The following ELOVL2 variants were observed in gnomAD, a reference collection of about 807,000 sequenced individuals.
The protein encoded by ELOVL2 is ELOVL fatty acid elongase 2.
In ELOVL2, 38 loss-of-function variants were observed where a neutral mutation model predicts 37.7. The observed-to-expected ratio is 1.01, with a 90% CI of 0.78 to 1.32. ELOVL2 has a LOEUF of 1.32. ELOVL2 is among the 40% of genes most tolerant of loss of function. ELOVL2 has a pLI of 0.00. For missense variants in ELOVL2, 352 were observed against 363.6 expected (o/e 0.97, Z 0.26); for synonymous variants, 115 against 122.3 (o/e 0.94, Z 0.40).
At chr6:11,029,546 G>A (rs1009723722) in intron 1 of ELOVL2, among the ~76,000 whole-genome samples, 6 of 152,178 alleles carry the variant, frequency 3.9e-5, no homozygotes, top group Non-Finnish European at 5.9e-5. Flanking sequence ...GCATACTGTC[G>A]TAGCCTCACA....
chr6:11,034,067 T>A (rs947637029), intron 1 of ELOVL2, among the ~76,000 whole-genome samples: 12 of 152,172 alleles, frequency 7.9e-5, no homozygotes, highest in African/African-American at 2.9e-4. Flanking sequence ...GGGAACTGAA[T>A]CCAGGAGTGT....
At chr6:10,992,542 G>A (rs1782181737) in intron 5 of ELOVL2, among the ~76,000 whole-genome samples, 2 of 152,180 alleles carry the variant, frequency 1.3e-5, no homozygotes, top group African/African-American at 2.4e-5. Context: ...TGTAATCCCA[G>A]CACTTTGGGA....
intron 4 of ELOVL2, among the ~76,000 whole-genome samples, chr6:10,998,109 A>G (rs1474438444): frequency 1.3e-5 from 2 of 152,016 alleles, no homozygotes; most frequent in African/African-American, 4.8e-5. Context: ...CTCTCTTGCC[A>G]TGTGACATGC....
At chr6:10,993,857 ATTTTTTTT>A (rs530539525) in intron 5 of ELOVL2, among the ~76,000 whole-genome samples, 37 of 79,098 alleles carry the variant, frequency 4.7e-4, no homozygotes, top group African/African-American at 9.5e-4. Context: ...CGCCCAGCTA[ATTTTTTTT>A]TTTTTTTTTT....
At chr6:11,021,219 C>T (rs1366122678) in intron 1 of ELOVL2, among the ~76,000 whole-genome samples, 1 of 152,234 alleles carries the variant, frequency 6.6e-6, no homozygotes, top group Non-Finnish European at 1.5e-5. Flanking sequence ...GTTCTCTCCG[C>T]ATGTGCCACT....
At chr6:11,030,787 C>T (rs986044541) in intron 1 of ELOVL2, among the ~76,000 whole-genome samples, 7 of 152,108 alleles carry the variant, frequency 4.6e-5, no homozygotes, top group Non-Finnish European at 7.4e-5. Flanking sequence ...CCACCGTGCC[C>T]GGCCATTCAA....
intron 4 of ELOVL2, 91 bp from the exon 5 acceptor site, chr6:10,995,269 G>T: frequency 1.1e-6 from 1 of 931,616 alleles, no homozygotes; most frequent in Non-Finnish European, 1.6e-6. Flanking sequence ...GCTGCCTGTG[G>T]TTTCCTGCTG....
At chr6:10,992,562 G>T (rs918667389) in intron 5 of ELOVL2, among the ~76,000 whole-genome samples, 1 of 151,880 alleles carries the variant, frequency 6.6e-6, no homozygotes, top group African/African-American at 2.4e-5. Flanking sequence ...AGGCCGAGGC[G>T]GGCGGATCAC....
chr6:10,996,119 T>C (rs1338085316), intron 4 of ELOVL2, among the ~76,000 whole-genome samples: 1 of 152,008 alleles, frequency 6.6e-6, no homozygotes, highest in Non-Finnish European at 1.5e-5. Context: ...TTTTTACCAC[T>C]AACATTAAAC....
chr6:11,027,687 T>C (rs1212100472), intron 1 of ELOVL2, among the ~76,000 whole-genome samples: 1 of 142,306 alleles, frequency 7.0e-6, no homozygotes, highest in Admixed American at 7.3e-5. Context: ...CCCCCTGCTT[T>C]CACCTTTCTT....
chr6:11,019,807 G>A (rs915749984), intron 1 of ELOVL2, among the ~76,000 whole-genome samples: 8 of 149,632 alleles, frequency 5.3e-5, no homozygotes, highest in Admixed American at 4.7e-4. Flanking sequence ...GCAGTGGTGC[G>A]ATCTCAGCTC....
Position 10,983,683 on chromosome 6 carries a change from ATTAGT to A in ELOVL2, c.*93_*97del. 7.6e-7 allele frequency: 1 copy of A among 1,307,598 alleles called. No homozygotes were observed. The highest frequency in any genetic ancestry group is 1.0e-6 in the Non-Finnish European group (1 of 968,770). The allele number at this position is 1,307,598 out of a possible 1,614,324, so 81.0% of individuals were successfully genotyped here. A position where few individuals can be genotyped will look rare whatever the true frequency, so the allele number is the denominator to read the frequency against. On this transcript the variant is annotated 3_prime_UTR_variant, in exon 8 of 8. Coordinates refer to ENST00000354666, the MANE Select transcript of ELOVL2 (RefSeq NM_017770.4). ...CAAATGATTTATGAACTCAAAAGAAATTAGTTTATCCTAAAACATGTAACCTTCAA... is the reference window on the plus strand; with the variant it reads ...CAAATGATTTATGAACTCAAAAGAAATTATCCTAAAACATGTAACCTTCAA...
At chr6:11,026,797 C>G (rs1782843999) in intron 1 of ELOVL2, among the ~76,000 whole-genome samples, 1 of 152,176 alleles carries the variant, frequency 6.6e-6, no homozygotes, top group East Asian at 1.9e-4. Context: ...TTCTTCATAT[C>G]AACCTTACAT....
chr6:11,010,831 G>A lies in ELOVL2; in HGVS notation c.4-22C>T, dbSNP rs571433035. 5 of 1,577,456 alleles carry A rather than the reference G, an allele frequency of 3.2e-6. No individual in the cohort carries two copies. The African/African-American group carries it at 6.8e-5, about 21-fold the overall frequency. ...GTTCCTAAAAAGAGAAAGAAAAAAT[G>A]ATTTAAGTGTTTTTTTCTTCTTTTT... On this transcript the variant is annotated intron_variant, in intron 1 of 7. Transcript: ENST00000354666.
intron 1 of ELOVL2, among the ~76,000 whole-genome samples, chr6:11,037,941 C>T (rs1271451805): frequency 3.9e-5 from 6 of 152,026 alleles, no homozygotes; most frequent in Non-Finnish European, 8.8e-5. Context: ...GGGAAAGAAA[C>T]TACATGGGGA....
intron 1 of ELOVL2, among the ~76,000 whole-genome samples, chr6:11,025,332 T>C (rs757821900): frequency 3.7e-4 from 57 of 152,330 alleles, no homozygotes; most frequent in Non-Finnish European, 5.9e-4. Context: ...ATGCTAATTT[T>C]TTTAGCTTCA....
At chr6:11,017,963 C>T (rs894880694) in intron 1 of ELOVL2, among the ~76,000 whole-genome samples, 2 of 152,294 alleles carry the variant, frequency 1.3e-5, no homozygotes, top group East Asian at 1.9e-4. Flanking sequence ...TCATATACTT[C>T]GCATTCCTAG....
chr6:11,032,320 A>G (rs1782942220), intron 1 of ELOVL2, among the ~76,000 whole-genome samples: 2 of 136,774 alleles, frequency 1.5e-5, no homozygotes, highest in South Asian at 2.5e-4. Context: ...TTTTTACACA[A>G]TTTGGATAAA....
In ELOVL2 at chr6:10,990,394, G is replaced by T; in HGVS notation, c.554C>A (p.Ser185Tyr). The change falls in exon 6 of 8, where the codon TCC becomes TAC. Residue 185 changes from serine (S) to tyrosine (Y), a missense_variant. Ser to Tyr is a moderately radical substitution (Grantham distance 144). Coordinates refer to ENST00000354666, the MANE Select transcript of ELOVL2 (RefSeq NM_017770.4). Reference protein sequence around the residue: ...LNSFIHILMYSYYGLSVFPSM... With the variant: ...LNSFIHILMYYYYGLSVFPSM... Reference sequence around the variant, plus strand: ...TGGAAACACAGAAAGTCCATAGTAGGAGTACATAAGAATGTGGATAAAACT... The same window carrying T: ...TGGAAACACAGAAAGTCCATAGTAGTAGTACATAAGAATGTGGATAAAACT... The T allele has an allele frequency of 6.2e-7, 1 of 1,611,646 alleles. No individual in the cohort carries two copies. Among genetic ancestry groups the T allele is most frequent in the Non-Finnish European group, 8.5e-7 (1 of 1,179,150 alleles).
Sources: allele counts gnomAD v4.1 joint callset (sites outside exome capture counted in the v4.1 genomes callset), GRCh38; gene constraint gnomAD v4.1.1; transcripts MANE v1.5; gene names NCBI Gene and HGNC (gene_info 2026-07-23, HGNC 2026-07-21).